The following ANKRD30B variants were observed in gnomAD, a reference collection of about 807,000 sequenced individuals.
The protein encoded by ANKRD30B is ankyrin repeat domain 30B.
In ANKRD30B, 144 loss-of-function variants were observed where a neutral mutation model predicts 202.2. The ratio of observed to expected loss-of-function variants is 0.71; its 90% CI spans 0.62 to 0.82. The LOEUF (loss-of-function observed/expected upper bound fraction) is 0.82. ANKRD30B is among the 40% of genes least tolerant of loss of function. The probability of loss-of-function intolerance (pLI) is 0.00; values close to 1 mark genes in which losing one functional copy is unlikely to be tolerated. For synonymous variants in ANKRD30B, 508 were observed against 561.3 expected (o/e 0.91, Z 1.34); for missense variants, 1,487 against 1,669.1 (o/e 0.89, Z 1.90).
chr18:14,776,934 G>A (rs11875716), intron 9 of ANKRD30B, among the ~76,000 whole-genome samples: 2 of 151,990 alleles, frequency 1.3e-5, no homozygotes, highest in South Asian at 2.1e-4. Flanking sequence ...CTCCTACTCC[G>A]CATGACATAC....
At chr18:14,858,765 C>A (rs1229232995), downstream of ANKRD30B, among the ~76,000 whole-genome samples, 4 of 132,688 alleles carry the variant, frequency 3.0e-5, no homozygotes, top group Non-Finnish European at 6.7e-5. Context: ...CCAGGGGGGG[C>A]AGCCAGGCAG....
intron 32 of ANKRD30B, among the ~76,000 whole-genome samples, chr18:14,827,747 T>G (rs1418679920): frequency 6.6e-6 from 1 of 152,242 alleles, no homozygotes; most frequent in Non-Finnish European, 1.5e-5. Flanking sequence ...ACTGTCCACT[T>G]ATACTAATTC....
chr18:14,807,826 C>G (rs1231475453), intron 24 of ANKRD30B, among the ~76,000 whole-genome samples: 1 of 150,958 alleles, frequency 6.6e-6, no homozygotes, highest in Non-Finnish European at 1.5e-5. Context: ...GCCACGGCAC[C>G]TGGACTGTAT....
the ANKRD30B span, among the ~76,000 whole-genome samples, chr18:14,927,875 T>G: frequency 6.6e-6 from 1 of 152,176 alleles, no homozygotes; most frequent in Non-Finnish European, 1.5e-5. Context: ...TCTGCAGATG[T>G]AGGCTCCACC....
the ANKRD30B span, among the ~76,000 whole-genome samples, chr18:14,873,832 G>A: frequency 6.6e-6 from 1 of 152,272 alleles, no homozygotes; most frequent in South Asian, 2.1e-4. Flanking sequence ...TTAGCAAGTA[G>A]CAGTAGAGCC....
chr18:14,876,442 G>A, the ANKRD30B span, among the ~76,000 whole-genome samples: 8 of 152,182 alleles, frequency 5.3e-5, no homozygotes, highest in Admixed American at 5.2e-4. Context: ...GAAAAAATTA[G>A]GGAAATGATG....
chr18:14,876,943 ATTCT>A, the ANKRD30B span, among the ~76,000 whole-genome samples: 1 of 898 alleles, frequency 1.1e-3, no homozygotes, highest in Non-Finnish European at 0.024. Flanking sequence ...AATTCAGTGC[ATTCT>A]ATTCTCAAGG....
In ANKRD30B at chr18:14,791,142, T is replaced by G. The variant is rs192345561; in HGVS notation, c.1735-259T>G. ...TGGGAGGGTGTATGTGTTGAGGAATTTATCCATTTCTTCTAGATTTTCTAG... is the reference window on the plus strand; with the variant it reads ...TGGGAGGGTGTATGTGTTGAGGAATGTATCCATTTCTTCTAGATTTTCTAG... On this transcript the variant is annotated intron_variant, in intron 15 of 43. Transcript: ENST00000690538. Among the ~76,000 whole-genome samples, 333 of 152,220 alleles carry G rather than the reference T, an allele frequency of 2.2e-3. 4 individuals carry two copies. Among genetic ancestry groups the G allele is most frequent in the African/African-American group, 7.8e-3 (323 of 41,570 alleles).
At chr18:14,756,285 T>C (rs2143667272) in intron 4 of ANKRD30B, among the ~76,000 whole-genome samples, 1 of 152,310 alleles carries the variant, frequency 6.6e-6, no homozygotes, top group African/African-American at 2.4e-5. Flanking sequence ...TTTGAGTTCA[T>C]TGTAGATTCT....
chr18:14,765,472 AAAG>A (rs1453790872), intron 7 of ANKRD30B, among the ~76,000 whole-genome samples: 1 of 152,028 alleles, frequency 6.6e-6, no homozygotes, highest in East Asian at 1.9e-4. Flanking sequence ...GAAAAAAAAA[AAAG>A]AAAAAGAAAA....
the ANKRD30B span, among the ~76,000 whole-genome samples, chr18:14,869,062 A>G: frequency 6.6e-6 from 1 of 152,218 alleles, no homozygotes; most frequent in South Asian, 2.1e-4. Context: ...GAATGTGTCT[A>G]TGTTGGCTGC....
chr18:14,862,992 T>G, the ANKRD30B span, among the ~76,000 whole-genome samples: 2 of 152,246 alleles, frequency 1.3e-5, no homozygotes, highest in Non-Finnish European at 2.9e-5. Flanking sequence ...ACACCTGTAC[T>G]GCATTGAATA....
At chr18:14,864,377 C>T in the ANKRD30B span, among the ~76,000 whole-genome samples, 9 of 152,018 alleles carry the variant, frequency 5.9e-5, no homozygotes, top group Non-Finnish European at 1.3e-4. Flanking sequence ...CAAAAAAAAC[C>T]CTGAAATCAT....
At chr18:14,808,865 A>G in intron 26 of ANKRD30B, 121 bp downstream of exon 26, 8 of 889,572 alleles carry the variant, frequency 9.0e-6, no homozygotes, top group Non-Finnish European at 1.2e-5. Context: ...ATTTGATACA[A>G]ATAATGCAAA....
chr18:14,830,633 G>A, intron 33 of ANKRD30B, among the ~76,000 whole-genome samples: 1 of 152,080 alleles, frequency 6.6e-6, no homozygotes, highest in Non-Finnish European at 1.5e-5. Context: ...ATAGACAATG[G>A]ATAAGGGACA....
the ANKRD30B span, among the ~76,000 whole-genome samples, chr18:14,862,709 C>T: frequency 1.3e-5 from 2 of 152,198 alleles, no homozygotes; most frequent in Non-Finnish European, 2.9e-5. Context: ...GGGAAGCTTT[C>T]ATCCTGAGCC....
the ANKRD30B span, among the ~76,000 whole-genome samples, chr18:14,866,844 C>A: frequency 6.6e-6 from 1 of 151,822 alleles, no homozygotes; most frequent in Admixed American, 6.6e-5. Context: ...AGGTTGTGTG[C>A]GCTGTCGTGC....
chr18:14,866,442 G>C, the ANKRD30B span, among the ~76,000 whole-genome samples: 1 of 152,134 alleles, frequency 6.6e-6, no homozygotes, highest in Non-Finnish European at 1.5e-5. Context: ...ATGGCAGCCG[G>C]GGCGGTAGGA....
chr18:14,770,884 AC>A (rs550771583), intron 8 of ANKRD30B, among the ~76,000 whole-genome samples: 26 of 151,996 alleles, frequency 1.7e-4, no homozygotes, highest in Admixed American at 1.7e-3. Context: ...CTGTTCTTTC[AC>A]CCCAAATCTC....
Sources: allele counts gnomAD v4.1 joint callset (sites outside exome capture counted in the v4.1 genomes callset), GRCh38; gene constraint gnomAD v4.1.1; transcripts MANE v1.5; gene names NCBI Gene and HGNC (gene_info 2026-07-23, HGNC 2026-07-21).